ALG9: variants seen among roughly 807,000 people sequenced by gnomAD.
ALG9 encodes the protein alpha-1,2-mannosyltransferase ALG9.
Under a neutral mutation model 81.8 loss-of-function variants are expected in ALG9, and 55 were observed. The ratio of observed to expected loss-of-function variants is 0.67; its 90% CI spans 0.54 to 0.84. ALG9 has a LOEUF of 0.84. Among genes scored for constraint, ALG9 ranks in the 40% least tolerant of loss-of-function variants. The pLI is 0.00. For synonymous variants in ALG9, 278 were observed against 274.3 expected, an observed-to-expected ratio of 1.01 and a Z score of -0.13; for missense variants, 629 against 745.0, an observed-to-expected ratio of 0.84 and a Z score of 1.81.
chr11:111,806,635 C>T (rs1949972874), intron 14 of ALG9, among the ~76,000 whole-genome samples: 1 of 152,148 alleles, frequency 6.6e-6, no homozygotes, highest in Non-Finnish European at 1.5e-5. Context: ...TTCATTCTCT[C>T]CTTTGGTGAT....
chr11:111,839,611 G>GC (rs1354583668), intron 10 of ALG9, among the ~76,000 whole-genome samples: 28 of 123,030 alleles, frequency 2.3e-4, no homozygotes, highest in Non-Finnish European at 3.9e-4. Context: ...AGGGGGGGGG[G>GC]GATATAAAGT....
At chr11:111,776,426 C>T in the ALG9 span, among the ~76,000 whole-genome samples, 16 of 152,144 alleles carry the variant, frequency 1.1e-4, no homozygotes, top group Middle Eastern at 0.01. Context: ...ACCATCTCCA[C>T]TAAAAATACA....
At chr11:111,815,361 C>A (rs968964937) in intron 13 of ALG9, among the ~76,000 whole-genome samples, 1 of 152,054 alleles carries the variant, frequency 6.6e-6, no homozygotes. Context: ...GCTGATTGTG[C>A]CGCTGCACTC....
Position 111,836,117 on chromosome 11 carries a change from A to G in ALG9, c.1602+48T>C, listed in dbSNP as rs782451691. On this transcript the variant is annotated intron_variant, in intron 13 of 14. Coordinates refer to ENST00000616540, the MANE Select transcript of ALG9 (RefSeq NM_024740.2). ...CTAATATACACACCAACAGACTTTT[A>G]GGCATAGAATTCTTTTCAGAGAAGC... 2.5e-6 allele frequency: 4 copies of G among 1,611,334 alleles called. No homozygotes were observed. The African/African-American group carries it at 4.0e-5, about 16-fold the overall frequency.
Position 111,836,299 on chromosome 11 carries a change from C to T in ALG9, c.1473-5G>A. The T allele has an allele frequency of 6.2e-7, 1 of 1,613,880 alleles. No individual in the cohort carries two copies. The highest frequency in any genetic ancestry group is 1.1e-5 in the South Asian group (1 of 91,040). On this transcript the variant is annotated splice_polypyrimidine_tract_variant and splice_region_variant and intron_variant, in intron 12 of 14. Coordinates refer to ENST00000616540, the MANE Select transcript of ALG9 (RefSeq NM_024740.2). ...GGAATGAACTGAAGCTGCCAACTGT[C>T]AGAAACACAAGGAGAATAAGAAAAA...
intron 9 of ALG9, among the ~76,000 whole-genome samples, chr11:111,842,881 CT>C (rs1407193839): frequency 1.3e-5 from 2 of 152,074 alleles, no homozygotes; most frequent in East Asian, 3.8e-4. Context: ...TAGAGAACAG[CT>C]TAATATCCTG....
rs952484775 is a variant in ALG9 at position 111,785,040 on chromosome 11, G to A, written c.*1357C>T. 3.9e-5 allele frequency: 6 copies of A among 152,622 alleles called. No individual in the cohort carries two copies. Among genetic ancestry groups the A allele is most frequent in the Admixed American group, 2.0e-4 (3 of 15,274 alleles). 9.5% of individuals were successfully genotyped at this position (152,622 alleles called of 1,614,324 possible). On this transcript the variant is annotated 3_prime_UTR_variant, in exon 15 of 15. Coordinates refer to ENST00000616540, the MANE Select transcript of ALG9 (RefSeq NM_024740.2). ...AAATAGAAAGTTACAATATCAGTTA[G>A]GTCTCTGGTTAACCTCATCAGTCCT...
At chr11:111,770,292 G>A in the ALG9 span, among the ~76,000 whole-genome samples, 1 of 152,246 alleles carries the variant, frequency 6.6e-6, no homozygotes, top group Middle Eastern at 3.4e-3. Context: ...TGATTCTAGT[G>A]TGCATTGATA....
At chr11:111,804,329 C>T (rs1394533583) in intron 14 of ALG9, among the ~76,000 whole-genome samples, 1 of 152,142 alleles carries the variant, frequency 6.6e-6, no homozygotes, top group Non-Finnish European at 1.5e-5. Flanking sequence ...CTGTGAAAGA[C>T]ACTGTCAACA....
At chr11:111,813,888 C>G (rs1441549535) in intron 13 of ALG9, among the ~76,000 whole-genome samples, 1 of 152,192 alleles carries the variant, frequency 6.6e-6, no homozygotes, top group Non-Finnish European at 1.5e-5. Flanking sequence ...CTTTAGAAAA[C>G]TATTTGGCAA....
chr11:111,818,525 C>T (rs7130419), intron 13 of ALG9, among the ~76,000 whole-genome samples: 1,873 of 152,270 alleles, frequency 0.012, 34 homozygotes, highest in African/African-American at 0.04. Context: ...GGAACATTCC[C>T]TGTTGTCCCC....
chr11:111,781,227 G>A (rs761934287), downstream of ALG9, among the ~76,000 whole-genome samples: 11 of 152,040 alleles, frequency 7.2e-5, no homozygotes, highest in South Asian at 8.3e-4. Flanking sequence ...AATAACCAAC[G>A]GCACAACACC....
Position 111,844,633 on chromosome 11 carries a change from G to A in ALG9, c.986C>T (p.Ser329Phe), listed in dbSNP as rs782632323. 1.2e-6 allele frequency: 2 copies of A among 1,613,950 alleles called. No individual in the cohort carries two copies. The highest frequency in any genetic ancestry group is 2.2e-5 in the East Asian group (1 of 44,878). Residue 329 changes from serine to phenylalanine, a missense_variant, in exon 9 of 15, where the codon TCT (serine) becomes TTT (phenylalanine). Transcript: ENST00000616540. ...TCTCTGCAGCAGGTATTCCATAAGAGAAGTCAGTGGTAGGACTAGGAGAGC... is the reference window on the plus strand; with the variant it reads ...TCTCTGCAGCAGGTATTCCATAAGAAAAGTCAGTGGTAGGACTAGGAGAGC... ...ALALLVLPLT[S>F]LMEYLLQRFH...
chr11:111,864,556 TG>T, intron 4 of ALG9: 3 of 600,440 alleles, frequency 5.0e-6, no homozygotes, highest in Non-Finnish European at 9.2e-6. Context: ...AGCTTATCCC[TG>T]TAGCACATGT....
At chr11:111,814,343 A>G (rs934921066) in intron 13 of ALG9, among the ~76,000 whole-genome samples, 37 of 152,206 alleles carry the variant, frequency 2.4e-4, no homozygotes, top group Non-Finnish European at 7.3e-5. Context: ...GAGAAAAGCA[A>G]GAAAATCATT....
chr11:111,868,009 T>C (rs925391804), intron 3 of ALG9, among the ~76,000 whole-genome samples: 2 of 152,088 alleles, frequency 1.3e-5, no homozygotes, highest in African/African-American at 4.8e-5. Flanking sequence ...TAACAAAAGA[T>C]CTGACATTCA....
intron 14 of ALG9, among the ~76,000 whole-genome samples, chr11:111,792,903 T>G (rs1269648226): frequency 6.6e-6 from 1 of 152,218 alleles, no homozygotes; most frequent in African/African-American, 2.4e-5. Flanking sequence ...AACTAATTTC[T>G]TCCAGAAGAT....
intron 14 of ALG9, among the ~76,000 whole-genome samples, chr11:111,793,116 T>C (rs1201415775): frequency 3.3e-5 from 5 of 152,174 alleles, no homozygotes; most frequent in African/African-American, 1.2e-4. Context: ...CCTGAGTAGT[T>C]GGGACTAAGG....
intron 9 of ALG9, 67 bp from the exon 10 acceptor site, chr11:111,840,876 G>A: frequency 3.2e-6 from 5 of 1,586,620 alleles, no homozygotes; most frequent in Non-Finnish European, 4.3e-6. Context: ...TAGTTTTAGT[G>A]TTATCTTGAT....
Sources: allele counts gnomAD v4.1 joint callset (sites outside exome capture counted in the v4.1 genomes callset), GRCh38; gene constraint gnomAD v4.1.1; transcripts MANE v1.5; gene names NCBI Gene and HGNC (gene_info 2026-07-23, HGNC 2026-07-21).